Variants in TRANK1 observed in about 807,000 individuals in gnomAD.
TRANK1 encodes the protein TPR and ankyrin repeat-containing protein 1.
In TRANK1, 198 loss-of-function variants were observed where a neutral mutation model predicts 266.0. The observed-to-expected ratio is 0.74, with a 90% CI of 0.66 to 0.84. The LOEUF is 0.84. Among genes scored for constraint, TRANK1 ranks in the 40% least tolerant of loss-of-function variants. The pLI is 0.00. For missense variants in TRANK1, 3,326 were observed against 3,634.6 expected (o/e 0.92, Z 2.18); for synonymous variants, 1,396 against 1,384.1 (o/e 1.01, Z -0.19).
intron 8 of TRANK1, among the ~76,000 whole-genome samples, chr3:36,882,432 A>G (rs1040644748): frequency 6.6e-6 from 1 of 152,252 alleles, no homozygotes; most frequent in African/African-American, 2.4e-5. Flanking sequence ...AGACTTTTAA[A>G]TAAATAGTGC....
At chr3:36,899,863 CTGAT>C (rs1169711010) in intron 3 of TRANK1, among the ~76,000 whole-genome samples, 3 of 152,108 alleles carry the variant, frequency 2.0e-5, no homozygotes, top group Non-Finnish European at 4.4e-5. Flanking sequence ...TTGTTATTGA[CTGAT>C]TGATTGATTG....
chr3:36,849,410 GA>G (rs1464208456), intron 15 of TRANK1, among the ~76,000 whole-genome samples: 2 of 152,212 alleles, frequency 1.3e-5, no homozygotes, highest in Non-Finnish European at 2.9e-5. Flanking sequence ...CACATCTCAA[GA>G]GATGGCTCTG....
intron 1 of TRANK1, among the ~76,000 whole-genome samples, chr3:36,944,012 G>T (rs1325116973): frequency 6.6e-6 from 1 of 152,158 alleles, no homozygotes; most frequent in East Asian, 1.9e-4. Context: ...TCAAAGATGG[G>T]CTCTATCTCA....
At chr3:36,847,767 G>A (rs1225668988) in intron 15 of TRANK1, among the ~76,000 whole-genome samples, 3 of 152,152 alleles carry the variant, frequency 2.0e-5, no homozygotes, top group Admixed American at 6.6e-5. Context: ...TTATTTAACC[G>A]AGGATGAAGA....
At chr3:36,908,548 C>T in intron 1 of TRANK1, 94 bp from the exon 2 acceptor site, 2 of 1,231,430 alleles carry the variant, frequency 1.6e-6, no homozygotes, top group Non-Finnish European at 2.0e-6. Context: ...AAGGAGTTCG[C>T]TCACTATGGC....
At chr3:36,925,008 G>A (rs141738931) in intron 1 of TRANK1, among the ~76,000 whole-genome samples, 1 of 152,156 alleles carries the variant, frequency 6.6e-6, no homozygotes, top group Admixed American at 6.5e-5. Flanking sequence ...GGCTCTCCCT[G>A]ATGGGAGAGA....
chr3:36,835,318 C>CAAAAAAA (rs33954737), intron 20 of TRANK1, among the ~76,000 whole-genome samples: 6 of 67,838 alleles, frequency 8.8e-5, no homozygotes, highest in African/African-American at 2.7e-4. Flanking sequence ...GACTCCGTCT[C>CAAAAAAA]AAAAAAAAAA....
intron 9 of TRANK1, among the ~76,000 whole-genome samples, chr3:36,865,212 G>A (rs751906188): frequency 6.6e-6 from 1 of 151,884 alleles, no homozygotes; most frequent in Non-Finnish European, 1.5e-5. Flanking sequence ...AATTTTAGTA[G>A]AGACGGGGTT....
At chr3:36,933,015 C>A (rs1470580124) in intron 1 of TRANK1, among the ~76,000 whole-genome samples, 1 of 152,106 alleles carries the variant, frequency 6.6e-6, no homozygotes, top group South Asian at 2.1e-4. Flanking sequence ...ACCCCCAAAC[C>A]CCTTTTTCTC....
At chr3:36,898,096 C>T (rs752072454) in intron 4 of TRANK1, among the ~76,000 whole-genome samples, 2 of 152,204 alleles carry the variant, frequency 1.3e-5, no homozygotes, top group Non-Finnish European at 2.9e-5. Context: ...GCCATCGGCC[C>T]TTCCAGGTTA....
Position 36,862,416 on chromosome 3 carries a change from C to A in TRANK1, c.1241-1256G>T, listed in dbSNP as rs148045820. On this transcript the variant is annotated intron_variant, in intron 10 of 23. Transcript: ENST00000645898. ...AAGAAGAAATTAAATATAGGCTAGT[C>A]TATCATCTTATTTTAATAGGAATCA... Among the ~76,000 whole-genome samples, 555 of 152,140 alleles carry A rather than the reference C, an allele frequency of 3.6e-3. 3 individuals are homozygous for A. Among genetic ancestry groups the A allele is most frequent in the Non-Finnish European group, 5.2e-3 (352 of 67,994 alleles).
In TRANK1 at chr3:36,892,937, A is replaced by G. The variant is rs1232653374; in HGVS notation, c.600T>C (p.Ile200=). The G allele has an allele frequency of 6.6e-7, 1 of 1,514,112 alleles. No homozygotes were observed. The highest frequency in any genetic ancestry group is 8.8e-7 in the Non-Finnish European group (1 of 1,138,704). 93.8% of individuals were successfully genotyped at this position (1,514,112 alleles called of 1,614,324 possible). A position where few individuals can be genotyped will look rare whatever the true frequency, so the allele number is the denominator to read the frequency against. Residue 200 remains isoleucine, a synonymous_variant, in exon 6 of 24, where the codon ATT becomes ATC. Transcript: ENST00000645898. ...TTTTCAGTGATAACTCTGGGACATG[A>G]ATATTTCTTGGTAATCGGTCTTTTT... The part of the protein sequence containing the change: ...SAKKDRLPRN[I]HVPELSLKSL...
At chr3:36,875,654 G>A (rs1481353295) in intron 8 of TRANK1, among the ~76,000 whole-genome samples, 2 of 152,116 alleles carry the variant, frequency 1.3e-5, no homozygotes, top group South Asian at 4.1e-4. Context: ...CCCCAAAGGG[G>A]GTAAAAACTC....
rs184719440 is a variant in TRANK1, at chr3:36,849,229, A to G, written c.4888-1883T>C. Among the ~76,000 whole-genome samples, 103 of 152,286 alleles carry G rather than the reference A, an allele frequency of 6.8e-4. 1 individual carries two copies. Among genetic ancestry groups the G allele is most frequent in the African/African-American group, 2.3e-3 (96 of 41,572 alleles). ...TCACAGTCCCTTCTGTCCCACCGCC[A>G]TGAGTATGAAAGAAAGGAGGTCCCA... On this transcript the variant is annotated intron_variant, in intron 15 of 23. Transcript: ENST00000645898.
At chr3:36,862,000 C>T (rs57251184) in intron 10 of TRANK1, among the ~76,000 whole-genome samples, 35,042 of 151,976 alleles carry the variant, frequency 0.23, 4,655 homozygotes, top group East Asian at 0.57. Flanking sequence ...CCACTGCACC[C>T]GGCCAAGAGT....
chr3:36,838,938 G>A (rs914139152), intron 18 of TRANK1, among the ~76,000 whole-genome samples: 8 of 152,170 alleles, frequency 5.3e-5, no homozygotes, highest in Non-Finnish European at 1.0e-4. Flanking sequence ...GGAAGCACCC[G>A]TCGAAAAGGT....
At chr3:36,854,614 T>C (rs1294989391) in intron 13 of TRANK1, among the ~76,000 whole-genome samples, 1 of 152,196 alleles carries the variant, frequency 6.6e-6, no homozygotes, top group Admixed American at 6.5e-5. Flanking sequence ...CTTTGTAAAA[T>C]GGGTCTGATG....
intron 8 of TRANK1, among the ~76,000 whole-genome samples, chr3:36,885,592 T>C (rs2079591219): frequency 6.6e-6 from 1 of 152,256 alleles, no homozygotes; most frequent in South Asian, 2.1e-4. Context: ...CTGAATGCAG[T>C]AGCACGATCG....
intron 18 of TRANK1, among the ~76,000 whole-genome samples, chr3:36,840,970 T>C (rs1487835573): frequency 6.6e-6 from 1 of 152,244 alleles, no homozygotes; most frequent in Non-Finnish European, 1.5e-5. Context: ...AGTTATATGC[T>C]ACAGACTTAA....
Sources: allele counts gnomAD v4.1 joint callset (sites outside exome capture counted in the v4.1 genomes callset), GRCh38; gene constraint gnomAD v4.1.1; transcripts MANE v1.5; gene names NCBI Gene and HGNC (gene_info 2026-07-23, HGNC 2026-07-21).